Variants in KLRC1 observed in about 807,000 individuals in gnomAD.
KLRC1 encodes killer cell lectin like receptor C1.
KLRC1 carries 22 observed loss-of-function variants against 25.9 expected under a neutral mutation model. That is an observed-to-expected ratio of 0.85 (90% confidence interval 0.61 to 1.21). KLRC1 has a LOEUF of 1.21. Ranked by LOEUF, KLRC1 falls within the 50% of genes most tolerant of loss-of-function variation. The probability of loss-of-function intolerance (pLI) is 0.00; values close to 1 mark genes in which losing one functional copy is unlikely to be tolerated. For missense variants in KLRC1, 240 were observed against 272.2 expected (o/e 0.88, Z 0.83); for synonymous variants, 77 against 93.1 (o/e 0.83, Z 0.99).
downstream of KLRC1, among the ~76,000 whole-genome samples, chr12:10,444,470 C>T (rs1485183482): frequency 1.3e-5 from 2 of 152,100 alleles, no homozygotes; most frequent in East Asian, 3.9e-4. Context: ...GCTTGAGCCA[C>T]CACAACTGGC....
At chr12:10,449,475 A>G in intron 4 of KLRC1, 87 bp from the exon 5 acceptor site, 1 of 1,558,752 alleles carries the variant, frequency 6.4e-7, no homozygotes, top group South Asian at 1.2e-5. Flanking sequence ...ATATAAACCT[A>G]TACGTATGCA....
At chr12:10,450,937 A>G in intron 2 of KLRC1, 33 bp downstream of exon 2, 1 of 1,502,072 alleles carries the variant, frequency 6.7e-7, no homozygotes, top group Non-Finnish European at 9.1e-7. Flanking sequence ...CACATCCTAG[A>G]CTGTTATATT....
intron 3 of KLRC1, 36 bp downstream of exon 3, chr12:10,450,448 G>T: frequency 1.7e-6 from 2 of 1,202,368 alleles, no homozygotes; most frequent in Non-Finnish European, 1.2e-6. Flanking sequence ...TCATTAACGT[G>T]AAAATTCCCC....
chr12:10,451,734 AAAG>A (rs1864131664), intron 1 of KLRC1, among the ~76,000 whole-genome samples: 3 of 152,318 alleles, frequency 2.0e-5, no homozygotes, highest in African/African-American at 7.2e-5. Flanking sequence ...ACTAAGGAAT[AAAG>A]AAGTTCAGGA....
chr12:10,451,939 TA>T (rs1368522530), intron 1 of KLRC1, among the ~76,000 whole-genome samples: 12 of 151,978 alleles, frequency 7.9e-5, no homozygotes, highest in Non-Finnish European at 1.5e-4. Flanking sequence ...ACATTACTTT[TA>T]ATTAGTAATT....
intron 1 of KLRC1, among the ~76,000 whole-genome samples, chr12:10,452,912 A>G (rs1864153986): frequency 6.6e-6 from 1 of 152,232 alleles, no homozygotes; most frequent in Non-Finnish European, 1.5e-5. Context: ...TGATTACAAA[A>G]TACAAAATTA....
intron 3 of KLRC1, 61 bp downstream of exon 3, chr12:10,450,423 T>C (rs1305434665): frequency 4.5e-6 from 4 of 886,346 alleles, no homozygotes; most frequent in Non-Finnish European, 7.4e-6. Flanking sequence ...ATGAAATGTT[T>C]AGAGGCACAT....
chr12:10,446,281 T>G lies in KLRC1; in HGVS notation c.*270A>C. ...TCTGTCTCCATGGGTTTGACTGTTC[T>G]TGGTACTTCCTATAAGCTGACTCAC... On this transcript the variant is annotated 3_prime_UTR_variant, in exon 7 of 7. Transcript: ENST00000359151. 2.6e-6 allele frequency: 2 copies of G among 755,458 alleles called. No individual in the cohort carries two copies. Among genetic ancestry groups the G allele is most frequent in the Non-Finnish European group, 1.8e-6 (1 of 569,914 alleles). 46.8% of individuals were successfully genotyped at this position (755,458 alleles called of 1,614,324 possible).
At chr12:10,448,981 A>C (rs1041727955) in intron 5 of KLRC1, among the ~76,000 whole-genome samples, 2 of 152,214 alleles carry the variant, frequency 1.3e-5, no homozygotes, top group Non-Finnish European at 2.9e-5. Context: ...CGATAAAATT[A>C]GATAGCAAAA....
intron 1 of KLRC1, among the ~76,000 whole-genome samples, chr12:10,452,897 T>C (rs1433853424): frequency 6.6e-6 from 1 of 152,218 alleles, no homozygotes; most frequent in Non-Finnish European, 1.5e-5. Flanking sequence ...AGATACATGA[T>C]GTACTGATTA....
Position 10,446,440 on chromosome 12 carries a change from T to G in KLRC1, c.*111A>C, listed in dbSNP as rs561352675. 3.2e-3 allele frequency: 4,649 copies of G among 1,432,380 alleles called. 12 individuals are homozygous for G. Among genetic ancestry groups the G allele is most frequent in the Non-Finnish European group, 4.0e-3 (4,315 of 1,085,040 alleles). The allele number at this position is 1,432,380 out of a possible 1,614,324, so 88.7% of individuals were successfully genotyped here. On this transcript the variant is annotated 3_prime_UTR_variant, in exon 7 of 7. Coordinates refer to ENST00000359151, the MANE Select transcript of KLRC1 (RefSeq NM_002259.5). Reference sequence around the variant, plus strand: ...TTTCAATAATTGATTTAGAATTTTCTTATTAGAGCAAATAACATAATTCAT... The same window carrying G: ...TTTCAATAATTGATTTAGAATTTTCGTATTAGAGCAAATAACATAATTCAT...
At chr12:10,447,115 G>A (rs548473203) in intron 6 of KLRC1, 42 of 213,072 alleles carry the variant, frequency 2.0e-4, no homozygotes, top group Middle Eastern at 2.0e-3. Flanking sequence ...TCCAGCTCGA[G>A]CTTGTCCAAC....
chr12:10,452,324 G>C (rs766208396), intron 1 of KLRC1, among the ~76,000 whole-genome samples: 4 of 152,250 alleles, frequency 2.6e-5, no homozygotes, highest in Non-Finnish European at 5.9e-5. Context: ...AGTTGTATAA[G>C]TACTTGTAAA....
rs199736325 is a variant in KLRC1 at position 10,449,966 on chromosome 12, A to C, written c.285T>G (p.Ser95=). The C allele has an allele frequency of 1.4e-5, 21 of 1,469,428 alleles. No individual in the cohort carries two copies. Among genetic ancestry groups the C allele is most frequent in the Non-Finnish European group, 1.9e-5 (21 of 1,105,882 alleles). 91.0% of individuals were successfully genotyped at this position (1,469,428 alleles called of 1,614,324 possible). The part of the protein sequence containing the change: ...ASVVTIVVIP[S]TLIQRHNNSS... ...AATTGTTGTGCCTCTGTATTAATGTAGCTAGAAAAATTAAAGTAATCTTTG... is the reference window on the plus strand; with the variant it reads ...AATTGTTGTGCCTCTGTATTAATGTCGCTAGAAAAATTAAAGTAATCTTTG... Residue 95 remains serine, a splice_region_variant and synonymous_variant, in exon 4 of 7, where the codon TCT becomes TCG. Transcript: ENST00000359151.
chr12:10,449,467 A>G (rs1257158291), intron 4 of KLRC1, 79 bp from the exon 5 acceptor site: 2 of 1,570,418 alleles, frequency 1.3e-6, no homozygotes, highest in Non-Finnish European at 1.7e-6. Context: ...TTGCAAACAT[A>G]TAAACCTATA....
downstream of KLRC1, among the ~76,000 whole-genome samples, chr12:10,445,333 C>A (rs79865983): frequency 0.068 from 10,272 of 152,002 alleles, 704 homozygotes; most frequent in South Asian, 0.25. Flanking sequence ...TATATAAATA[C>A]AACATATATC....
At chr12:10,449,772 A>G in intron 4 of KLRC1, 142 bp downstream of exon 4, 3 of 609,088 alleles carry the variant, frequency 4.9e-6, no homozygotes, top group Non-Finnish European at 7.8e-6. Flanking sequence ...GTTGATGACA[A>G]GTGAATGCCT....
In KLRC1 at chr12:10,450,507, A is replaced by G. The variant is rs540820887; in HGVS notation, c.260T>C (p.Val87Ala). The G allele has an allele frequency of 2.1e-5, 34 of 1,606,132 alleles. No homozygotes were observed. In the South Asian group the frequency reaches 3.4e-4, roughly 16 times the overall value. Residue 87 changes from valine to alanine, a missense_variant, in exon 3 of 7, where the codon GTG becomes GCG. Coordinates refer to ENST00000359151, the MANE Select transcript of KLRC1 (RefSeq NM_002259.5). ...ACAGGGAATAACAACTATCGTTACC[A>G]CAGAGGCCATTAAGATAAGACAGAT... ...GIICLILMASVVTIVVIPSTL... is the reference protein window; with the variant it reads ...GIICLILMASAVTIVVIPSTL...
At chr12:10,452,786 C>A (rs559379917) in intron 1 of KLRC1, among the ~76,000 whole-genome samples, 178 of 152,168 alleles carry the variant, frequency 1.2e-3, no homozygotes, top group African/African-American at 4.2e-3. Flanking sequence ...AACTGCTTTT[C>A]TCTAATCTAC....
Sources: gnomAD v4.1 joint callset for allele counts (sites outside exome capture counted in the v4.1 genomes callset) on GRCh38, gnomAD v4.1.1 for gene constraint, MANE v1.5 for transcripts, NCBI Gene and HGNC (gene_info 2026-07-23, HGNC 2026-07-21) for gene names.